The following PDE6B variants were observed in gnomAD, a reference collection of about 807,000 sequenced individuals.
The protein encoded by PDE6B is rod cGMP-specific 3',5'-cyclic phosphodiesterase subunit beta.
A neutral mutation model predicts 109.0 loss-of-function variants in PDE6B; 106 were observed. The observed-to-expected ratio is 0.97, with a 90% CI of 0.83 to 1.14. The LOEUF is 1.14. PDE6B is among the 50% of genes most tolerant of loss of function. The pLI, the probability that PDE6B is intolerant of heterozygous loss-of-function variation, is 0.00. For missense variants in PDE6B, 1,193 were observed against 1,155.6 expected, an observed-to-expected ratio of 1.03 and a Z score of -0.47; for synonymous variants, 490 against 471.3, an observed-to-expected ratio of 1.04 and a Z score of -0.51.
rs1332737338 is a variant in PDE6B at position 662,423 on chromosome 4, C to T, written c.1723-86C>T. On this transcript the variant is annotated intron_variant, in intron 13 of 21. Transcript: ENST00000496514. The surrounding 1 kb of genome is among the most constrained non-coding windows in gnomAD (Gnocchi z 4.3). The stretch of plus-strand genomic sequence containing the variant: ...CGGTGGTCGGAGGTCCAACCTCCAA[C>T]CCGACGCCTAGGTCATCCCAACCCC... The T allele has an allele frequency of 2.0e-6, 2 of 996,442 alleles. No homozygotes were observed. Among genetic ancestry groups the T allele is most frequent in the Non-Finnish European group, 3.2e-6 (2 of 627,146 alleles). The allele number at this position is 996,442 out of a possible 1,614,324, so 61.7% of individuals were successfully genotyped here.
intron 1 of PDE6B, among the ~76,000 whole-genome samples, chr4:629,738 G>A (rs964130507): frequency 1.3e-5 from 2 of 152,228 alleles, no homozygotes; most frequent in African/African-American, 2.4e-5. Context: ...AGAGGGAGGA[G>A]GGTGGCAGGA....
In PDE6B at chr4:662,374, C is replaced by T. The variant is rs991837700; in HGVS notation, c.1722+133C>T. ...GGAGGAGGGCAACGCCCTCTGACAC[C>T]GTGCACCGCGCACCCCAGCCCTGCG... is the stretch of plus-strand genomic sequence containing the variant. On this transcript the variant is annotated intron_variant, in intron 13 of 21. Transcript: ENST00000496514. The surrounding 1 kb of genome is among the most constrained non-coding windows in gnomAD (Gnocchi z 4.3). The T allele has an allele frequency of 3.0e-5, 24 of 813,510 alleles. No individual in the cohort carries two copies. The highest frequency in any genetic ancestry group is 7.1e-5 in the South Asian group (5 of 70,068). The allele number at this position is 813,510 out of a possible 1,614,324, so 50.4% of individuals were successfully genotyped here. A position where few individuals can be genotyped will look rare whatever the true frequency, so the allele number is the denominator to read the frequency against.
chr4:664,966 G>T, intron 18 of PDE6B, 22 bp downstream of exon 18: 1 of 1,587,998 alleles, frequency 6.3e-7, no homozygotes, highest in Non-Finnish European at 8.6e-7. Context: ...GGGCCCTCCA[G>T]ACCCAGAGTC....
At position 663,693 on chromosome 4, in the gene PDE6B, G is replaced by A. The variant is rs2109261777; in HGVS notation, c.1921-77G>A. On this transcript the variant is annotated intron_variant, in intron 15 of 21. Coordinates refer to ENST00000496514, the MANE Select transcript of PDE6B (RefSeq NM_000283.4). The surrounding 1 kb of genome is among the most constrained non-coding windows in gnomAD (Gnocchi z 4.0). ...GGGCGTGAGAGGCACAGGCAGCCGA[G>A]GCGGAAGGGGCGGGGTCCCCGGGCA... is the stretch of plus-strand genomic sequence containing the variant. 1 of 1,058,296 alleles carries A rather than the reference G, an allele frequency of 9.4e-7. No individual in the cohort carries two copies. 65.6% of individuals were successfully genotyped at this position (1,058,296 alleles called of 1,614,324 possible).
Position 654,167 on chromosome 4 carries a change from G to A in PDE6B, c.927+13G>A, listed in dbSNP as rs1205289645. The A allele has an allele frequency of 6.2e-7, 1 of 1,611,096 alleles. No homozygotes were observed. Among genetic ancestry groups the A allele is most frequent in the Non-Finnish European group, 8.5e-7 (1 of 1,177,932 alleles). The stretch of plus-strand genomic sequence containing the variant: ...GCCTGATGGCCGGGTGAGTCTTAGG[G>A]GAGGGGCCCAGGGCCTGTCCACACG... On this transcript the variant is annotated intron_variant, in intron 5 of 21. Coordinates refer to ENST00000496514, the MANE Select transcript of PDE6B (RefSeq NM_000283.4).
At chr4:631,331 G>T (rs1040279423) in intron 1 of PDE6B, among the ~76,000 whole-genome samples, 1 of 152,244 alleles carries the variant, frequency 6.6e-6, no homozygotes, top group Non-Finnish European at 1.5e-5. Flanking sequence ...GCTGGCAAGA[G>T]AAGTGAGGCT....
chr4:653,243 G>C, intron 3 of PDE6B: 1 of 1,009,656 alleles, frequency 9.9e-7, no homozygotes. Flanking sequence ...CGAGTGTGAG[G>C]AGGCAGGGCC....
intron 3 of PDE6B, chr4:653,320 G>T: frequency 2.8e-6 from 3 of 1,052,780 alleles, no homozygotes; most frequent in Non-Finnish European, 3.4e-6. Flanking sequence ...GGGCCCTGGG[G>T]TGAGTCTGAG....
rs1258514389 is a variant in PDE6B, at chr4:656,296, T to C, written c.1107+4T>C. The C allele has an allele frequency of 6.6e-7, 1 of 1,525,760 alleles. No homozygotes were observed. The highest frequency in any genetic ancestry group is 9.1e-7 in the Non-Finnish European group (1 of 1,099,598). 94.5% of individuals were successfully genotyped at this position (1,525,760 alleles called of 1,614,324 possible). ...TGACGAAATGTTCAAATTTCAGGTA[T>C]CTGTCTGTGCCTTGGTAGAAATTAT... On this transcript the variant is annotated splice_donor_region_variant and intron_variant, in intron 8 of 21. Coordinates refer to ENST00000496514, the MANE Select transcript of PDE6B (RefSeq NM_000283.4).
rs1438018824 is a variant in PDE6B at position 648,296 on chromosome 4, AG to A, written c.712-5555del. 6.6e-6 allele frequency among the ~76,000 whole-genome samples: 1 copy of A among 152,108 alleles called. No individual in the cohort carries two copies. Among genetic ancestry groups the A allele is most frequent in the Admixed American group, 6.5e-5 (1 of 15,280 alleles). On this transcript the variant is annotated intron_variant, in intron 3 of 21. Transcript: ENST00000496514. This position sits in a 1 kb window ranked among gnomAD's most constrained non-coding sequence, Gnocchi z 4.5. ...TTCGATTTTGCACCAGACATTGCCC[AG>A]TCCTAGGAAAAGCTGTTTCTGGGTC...
In PDE6B at chr4:662,702, A is replaced by G. The variant is rs79601775; in HGVS notation, c.1832+84A>G. 2,623 of 912,342 alleles carry G rather than the reference A, an allele frequency of 2.9e-3. 37 individuals are homozygous for G. In the African/African-American group the frequency reaches 0.036, roughly 13 times the overall value. 56.5% of individuals were successfully genotyped at this position (912,342 alleles called of 1,614,324 possible). ...TGAATTAGGCTTCGCATAGCAGGCT[A>G]TGTAGAAAGTGGAGTCCACGGCCAG... is the stretch of plus-strand genomic sequence containing the variant. On this transcript the variant is annotated intron_variant, in intron 14 of 21. Coordinates refer to ENST00000496514, the MANE Select transcript of PDE6B (RefSeq NM_000283.4). This position sits in a 1 kb window ranked among gnomAD's most constrained non-coding sequence, Gnocchi z 4.3.
chr4:652,620 G>A (rs3864130), intron 3 of PDE6B: 1 of 390,734 alleles, frequency 2.6e-6, no homozygotes, highest in Non-Finnish European at 3.5e-6. Context: ...ATAAGAATAA[G>A]AATGTAAAAC....
chr4:635,789 C>T, intron 2 of PDE6B, 91 bp from the exon 3 acceptor site: 1 of 760,706 alleles, frequency 1.3e-6, no homozygotes, highest in Non-Finnish European at 2.4e-6. Flanking sequence ...TGGGCACCCT[C>T]AGGCGAGCAT....
chr4:641,367 T>G (rs1734935832), intron 3 of PDE6B, among the ~76,000 whole-genome samples: 2 of 152,240 alleles, frequency 1.3e-5, no homozygotes, highest in African/African-American at 4.8e-5. Flanking sequence ...GACCTTTGTA[T>G]GTTAACTTTG....
intron 1 of PDE6B, among the ~76,000 whole-genome samples, chr4:630,082 G>A (rs1249717500): frequency 2.6e-5 from 4 of 152,186 alleles, no homozygotes; most frequent in African/African-American, 9.7e-5. Flanking sequence ...CACTACAGGG[G>A]ACACAGAACC....
intron 20 of PDE6B, among the ~76,000 whole-genome samples, chr4:667,270 G>A (rs1246033193): frequency 1.3e-5 from 2 of 152,176 alleles, no homozygotes; most frequent in African/African-American, 4.8e-5. Flanking sequence ...TCCACATGAA[G>A]TTGTCCCGGA....
rs1346517333 is a variant in PDE6B, at chr4:662,126, T to G, written c.1615-8T>G. 2.7e-6 allele frequency: 4 copies of G among 1,466,328 alleles called. No homozygotes were observed. The South Asian group carries it at 4.8e-5, about 18-fold the overall frequency. 90.8% of individuals were successfully genotyped at this position (1,466,328 alleles called of 1,614,324 possible). ...CGCCGGAGCCCTGTGTCCTCTCGGCTCCCCCAGGTCCTGGTGCGGTTCCTG... is the reference window on the plus strand; with the variant it reads ...CGCCGGAGCCCTGTGTCCTCTCGGCGCCCCCAGGTCCTGGTGCGGTTCCTG... On this transcript the variant is annotated splice_polypyrimidine_tract_variant and splice_region_variant and intron_variant, in intron 12 of 21. Coordinates refer to ENST00000496514, the MANE Select transcript of PDE6B (RefSeq NM_000283.4). This position sits in a 1 kb window ranked among gnomAD's most constrained non-coding sequence, Gnocchi z 4.3.
In PDE6B at chr4:662,425, C is replaced by T. The variant is rs1400431348; in HGVS notation, c.1723-84C>T. On this transcript the variant is annotated intron_variant, in intron 13 of 21. Transcript: ENST00000496514. The surrounding 1 kb of genome is among the most constrained non-coding windows in gnomAD (Gnocchi z 4.3). ...GTGGTCGGAGGTCCAACCTCCAACC[C>T]GACGCCTAGGTCATCCCAACCCCTC... The T allele has an allele frequency of 7.9e-6, 8 of 1,008,496 alleles. No individual in the cohort carries two copies. The highest frequency in any genetic ancestry group is 5.0e-5 in the East Asian group (2 of 40,346). The allele number at this position is 1,008,496 out of a possible 1,614,324, so 62.5% of individuals were successfully genotyped here.
chr4:628,941 G>A lies in PDE6B; in HGVS notation c.468+2847G>A, dbSNP rs1029574161. Among the ~76,000 whole-genome samples the A allele has an allele frequency of 3.3e-5, 5 of 152,238 alleles. 1 individual carries two copies. Among genetic ancestry groups the A allele is most frequent in the South Asian group, 2.1e-4 (1 of 4,824 alleles). On this transcript the variant is annotated intron_variant, in intron 1 of 21. Transcript: ENST00000496514. ...GGGCCTGCACAAGGGGGGCCCTGCC[G>A]GGACTCAGGACTGAGCACAACCTTC...
Sources: allele counts gnomAD v4.1 joint callset (sites outside exome capture counted in the v4.1 genomes callset), GRCh38; gene constraint gnomAD v4.1.1; non-coding constraint Gnocchi (gnomAD v3.1); transcripts MANE v1.5; gene names NCBI Gene and HGNC (gene_info 2026-07-23, HGNC 2026-07-21).